ADK: variants seen among roughly 807,000 people sequenced by gnomAD.
ADK encodes the protein N6,N6-dimethyladenosine kinase.
A neutral mutation model predicts 44.7 loss-of-function variants in ADK; 24 were observed. The observed-to-expected ratio is 0.54, with a 90% CI of 0.39 to 0.76. The LOEUF is 0.76. ADK is among the 30% of genes least tolerant of loss of function. The pLI, the probability that ADK is intolerant of heterozygous loss-of-function variation, is 0.00. For missense variants in ADK, 321 were observed against 425.1 expected (o/e 0.76, Z 2.15); for synonymous variants, 128 against 142.6 (o/e 0.90, Z 0.73).
At position 74,329,447 on chromosome 10, in the gene ADK, A is replaced by T. The variant is rs533420769; in HGVS notation, c.273+14702A>T. On this transcript the variant is annotated intron_variant, in intron 4 of 10. Transcript: ENST00000539909. ...TTTCCATATCAAGCATTTACAACCC[A>T]CTATGTAGAGGTCCATACACCTTGG... Among the ~76,000 whole-genome samples, 3 of 152,262 alleles carry T rather than the reference A, an allele frequency of 2.0e-5. No homozygotes were observed. In the East Asian group the frequency reaches 5.8e-4, roughly 29 times the overall value.
intron 7 of ADK, among the ~76,000 whole-genome samples, chr10:74,572,953 C>G (rs1016151824): frequency 1.3e-5 from 2 of 152,068 alleles, no homozygotes; most frequent in Non-Finnish European, 2.9e-5. Flanking sequence ...TTTGAATTTC[C>G]TCCTGTAGCT....
chr10:74,456,428 A>C (rs979038474), intron 6 of ADK, among the ~76,000 whole-genome samples: 1 of 152,114 alleles, frequency 6.6e-6, no homozygotes, highest in African/African-American at 2.4e-5. Context: ...TAATCCCAGC[A>C]CTTTGAGAGG....
In ADK at chr10:74,248,173, A is replaced by G. The variant is rs530430780; in HGVS notation, c.194+23582A>G. On this transcript the variant is annotated intron_variant, in intron 3 of 10. Transcript: ENST00000539909. ...TCCTTCGTGTAGAAGACATGGACTG[A>G]GTGATTTTTGCTCAATAAAGGAAAA... Among the ~76,000 whole-genome samples the G allele has an allele frequency of 5.3e-5, 8 of 152,274 alleles. No individual in the cohort carries two copies. The East Asian group carries it at 1.5e-3, about 29-fold the overall frequency.
chr10:74,268,275 G>A (rs868765720), intron 3 of ADK, among the ~76,000 whole-genome samples: 16 of 151,880 alleles, frequency 1.1e-4, no homozygotes, highest in African/African-American at 3.6e-4. Flanking sequence ...GCTCGATTGC[G>A]CCACTGCACT....
intron 7 of ADK, among the ~76,000 whole-genome samples, chr10:74,558,039 A>G (rs183874975): frequency 1.5e-3 from 224 of 152,312 alleles, no homozygotes; most frequent in Middle Eastern, 0.014. Flanking sequence ...GCACTGGGTC[A>G]GAGTGACCAG....
At chr10:74,423,913 C>T in intron 6 of ADK, 2 of 219,262 alleles carry the variant, frequency 9.1e-6, no homozygotes, top group South Asian at 1.6e-4. Context: ...TTGAAATTGT[C>T]CCTTGACAAA....
chr10:74,594,703 T>A (rs1300472583), intron 8 of ADK, among the ~76,000 whole-genome samples: 2 of 151,418 alleles, frequency 1.3e-5, no homozygotes, highest in East Asian at 3.9e-4. Flanking sequence ...AGAGAGTATG[T>A]TCTTTGATTT....
At chr10:74,247,199 CT>C (rs1420427152) in intron 3 of ADK, among the ~76,000 whole-genome samples, 1 of 88,144 alleles carries the variant, frequency 1.1e-5, no homozygotes, top group Non-Finnish European at 2.5e-5. Flanking sequence ...TGACATCTGG[CT>C]TTTTTTGATT....
intron 6 of ADK, among the ~76,000 whole-genome samples, chr10:74,509,101 A>G (rs1308548712): frequency 6.6e-6 from 1 of 152,176 alleles, no homozygotes; most frequent in Non-Finnish European, 1.5e-5. Flanking sequence ...AATAGCTGGA[A>G]CTACAGGTGC....
chr10:74,566,817 A>T (rs1420797407), intron 7 of ADK, among the ~76,000 whole-genome samples: 1 of 152,200 alleles, frequency 6.6e-6, no homozygotes, highest in Non-Finnish European at 1.5e-5. Context: ...TTTTCCTGTT[A>T]CCTTTTAAAA....
intron 4 of ADK, among the ~76,000 whole-genome samples, chr10:74,355,003 G>T (rs1439454367): frequency 6.6e-6 from 1 of 152,058 alleles, no homozygotes; most frequent in Non-Finnish European, 1.5e-5. Flanking sequence ...CCATACATTT[G>T]TCTGTACTGG....
intron 7 of ADK, among the ~76,000 whole-genome samples, chr10:74,575,957 T>G (rs555803490): frequency 1.3e-5 from 2 of 152,168 alleles, no homozygotes; most frequent in South Asian, 4.1e-4. Context: ...ATAGGATTTA[T>G]GCATATAAAA....
At chr10:74,322,229 A>G (rs1378461242) in intron 4 of ADK, among the ~76,000 whole-genome samples, 1 of 152,230 alleles carries the variant, frequency 6.6e-6, no homozygotes, top group Non-Finnish European at 1.5e-5. Flanking sequence ...AGAAATGACA[A>G]TGAAGTGATC....
chr10:74,424,898 A>G (rs776392559), intron 6 of ADK, among the ~76,000 whole-genome samples: 7 of 152,160 alleles, frequency 4.6e-5, no homozygotes, highest in Non-Finnish European at 1.0e-4. Context: ...AACTCATTTC[A>G]TTCTCATATA....
chr10:74,541,770 G>A (rs1206272664), intron 7 of ADK, among the ~76,000 whole-genome samples: 1 of 136,780 alleles, frequency 7.3e-6, no homozygotes, highest in East Asian at 2.2e-4. Flanking sequence ...TCCAGCCTGG[G>A]TTACAGAACG....
intron 6 of ADK, among the ~76,000 whole-genome samples, chr10:74,496,749 G>GT (rs1442534948): frequency 6.6e-6 from 1 of 152,042 alleles, no homozygotes; most frequent in Non-Finnish European, 1.5e-5. Context: ...GATTATAGGC[G>GT]TGAACCACCA....
At chr10:74,328,735 G>A (rs752522250) in intron 4 of ADK, among the ~76,000 whole-genome samples, 10 of 152,042 alleles carry the variant, frequency 6.6e-5, no homozygotes, top group Non-Finnish European at 1.0e-4. Flanking sequence ...GCGTTCCAGC[G>A]TGATTGTAAG....
At position 74,151,465 on chromosome 10, in the gene ADK, A is replaced by G. The variant is rs910177723; in HGVS notation, c.65+122A>G. 1.1e-5 allele frequency: 12 copies of G among 1,083,190 alleles called. No homozygotes were observed. In the African/African-American group the frequency reaches 1.7e-4, roughly 16 times the overall value. The allele number at this position is 1,083,190 out of a possible 1,614,324, so 67.1% of individuals were successfully genotyped here. On this transcript the variant is annotated intron_variant, in intron 1 of 10. Transcript: ENST00000539909. Reference sequence around the variant, plus strand: ...CACTGCCAGCTTGGGGCCAACACGCAGGACCTCCCCCAGCTGCCCGCTTGG... The same window carrying G: ...CACTGCCAGCTTGGGGCCAACACGCGGGACCTCCCCCAGCTGCCCGCTTGG...
chr10:74,595,995 C>A (rs2133947485), intron 8 of ADK, among the ~76,000 whole-genome samples: 1 of 102,148 alleles, frequency 9.8e-6, no homozygotes, highest in Non-Finnish European at 1.8e-5. Context: ...GAAATTCCAT[C>A]TCAAAAAAAA....
Sources: allele counts gnomAD v4.1 joint callset (sites outside exome capture counted in the v4.1 genomes callset), GRCh38; gene constraint gnomAD v4.1.1; transcripts MANE v1.5; gene names NCBI Gene and HGNC (gene_info 2026-07-23, HGNC 2026-07-21).